Variants in SPINT2 observed in about 807,000 individuals in gnomAD.
SPINT2 encodes serine peptidase inhibitor, Kunitz type 2.
Under a neutral mutation model 30.1 loss-of-function variants are expected in SPINT2, and 18 were observed. That is an observed-to-expected ratio of 0.60 (90% CI 0.41 to 0.89). The LOEUF (loss-of-function observed/expected upper bound fraction) is 0.89, where lower values mean the gene tolerates loss of function less well. SPINT2 is among the 40% of genes least tolerant of loss of function. The pLI is 0.00. For synonymous variants in SPINT2, 139 were observed against 137.9 expected, an observed-to-expected ratio of 1.01 and a Z score of -0.05; for missense variants, 276 against 334.3, an observed-to-expected ratio of 0.83 and a Z score of 1.36.
intron 2 of SPINT2, among the ~76,000 whole-genome samples, chr19:38,284,106 G>A (rs1421805748): frequency 1.3e-5 from 2 of 151,976 alleles, no homozygotes; most frequent in African/African-American, 4.8e-5. Flanking sequence ...CTCCCAAAGT[G>A]CTGGGATTAC....
intron 1 of SPINT2, among the ~76,000 whole-genome samples, chr19:38,267,710 A>G (rs1007191233): frequency 1.3e-5 from 2 of 152,072 alleles, no homozygotes; most frequent in African/African-American, 2.4e-5. Context: ...TCAGAGGACC[A>G]TCTACCTGGA....
intron 2 of SPINT2, among the ~76,000 whole-genome samples, chr19:38,284,480 A>G (rs1968618951): frequency 6.6e-6 from 1 of 152,182 alleles, no homozygotes; most frequent in African/African-American, 2.4e-5. Context: ...AATCTGGGTG[A>G]CGTTTTAAAA....
chr19:38,273,157 G>T (rs1968476510), intron 1 of SPINT2, among the ~76,000 whole-genome samples: 1 of 152,116 alleles, frequency 6.6e-6, no homozygotes, highest in African/African-American at 2.4e-5. Context: ...ATAAATACCT[G>T]AGGTTTTTTT....
intron 1 of SPINT2, among the ~76,000 whole-genome samples, chr19:38,269,602 C>G (rs376239028): frequency 1.6e-5 from 2 of 128,678 alleles, no homozygotes; most frequent in Non-Finnish European, 3.4e-5. Context: ...GATGGGATTT[C>G]TTTTCTTTTT....
At chr19:38,269,107 G>T (rs994818620) in intron 1 of SPINT2, among the ~76,000 whole-genome samples, 1 of 150,952 alleles carries the variant, frequency 6.6e-6, no homozygotes, top group East Asian at 1.9e-4. Flanking sequence ...GTTTTTTTGG[G>T]TTTTTTTTTG....
intron 1 of SPINT2, among the ~76,000 whole-genome samples, chr19:38,276,500 C>T (rs529304025): frequency 1.3e-4 from 20 of 151,850 alleles, no homozygotes; most frequent in Admixed American, 1.2e-3. Flanking sequence ...AAATCAGCCG[C>T]GTGTGGTGGC....
At chr19:38,283,580 G>T in intron 1 of SPINT2, 47 bp from the exon 2 acceptor site, 1 of 1,612,462 alleles carries the variant, frequency 6.2e-7, no homozygotes, top group Non-Finnish European at 8.5e-7. Flanking sequence ...GTCCTTTGTT[G>T]CCAGGATTGC....
intron 1 of SPINT2, among the ~76,000 whole-genome samples, chr19:38,266,207 A>C (rs1968376230): frequency 6.6e-6 from 1 of 152,120 alleles, no homozygotes; most frequent in Non-Finnish European, 1.5e-5. Context: ...GCAGGCGTGA[A>C]GGAGGGGAGG....
chr19:38,267,387 G>A (rs1968391899), intron 1 of SPINT2, among the ~76,000 whole-genome samples: 1 of 152,206 alleles, frequency 6.6e-6, no homozygotes, highest in African/African-American at 2.4e-5. Flanking sequence ...TGCTGGATGA[G>A]TGTGGTGGTG....
chr19:38,266,276 T>G (rs1056075691), intron 1 of SPINT2, among the ~76,000 whole-genome samples: 1 of 151,910 alleles, frequency 6.6e-6, no homozygotes, highest in Non-Finnish European at 1.5e-5. Context: ...TAGGGCTTTA[T>G]AGACAGGTGC....
intron 2 of SPINT2, among the ~76,000 whole-genome samples, chr19:38,286,935 G>A (rs1968649139): frequency 6.6e-6 from 1 of 152,146 alleles, no homozygotes; most frequent in Non-Finnish European, 1.5e-5. Flanking sequence ...CCCAGTGTAA[G>A]CACTGGTATT....
At chr19:38,272,050 A>G (rs1968463664) in intron 1 of SPINT2, among the ~76,000 whole-genome samples, 1 of 152,050 alleles carries the variant, frequency 6.6e-6, no homozygotes, top group African/African-American at 2.4e-5. Flanking sequence ...ACATGGTGAA[A>G]CAAAAAATAC....
chr19:38,276,132 C>T (rs1227213285), intron 1 of SPINT2, among the ~76,000 whole-genome samples: 1 of 152,128 alleles, frequency 6.6e-6, no homozygotes, highest in Non-Finnish European at 1.5e-5. Flanking sequence ...TGCTTGTATT[C>T]AGTATTTGGC....
intron 3 of SPINT2, among the ~76,000 whole-genome samples, chr19:38,288,152 G>C (rs922190411): frequency 6.6e-6 from 1 of 152,170 alleles, no homozygotes; most frequent in Admixed American, 6.5e-5. Flanking sequence ...CGGGGATCCT[G>C]CAGCACTTCC....
intron 3 of SPINT2, 127 bp downstream of exon 3, chr19:38,288,062 CG>C: frequency 1.8e-6 from 2 of 1,134,756 alleles, no homozygotes; most frequent in Non-Finnish European, 1.3e-6. Flanking sequence ...ATTGGCAAAC[CG>C]GGGGCTCTGC....
At chr19:38,283,832 C>CATTTTTT in intron 2 of SPINT2, 35 bp downstream of exon 2, 1 of 1,067,744 alleles carries the variant, frequency 9.4e-7, no homozygotes. Flanking sequence ...TTGTTTTTTT[C>CATTTTTT]CTTTTTTTTT....
chr19:38,285,233 G>A (rs1319260480), intron 2 of SPINT2, among the ~76,000 whole-genome samples: 1 of 152,234 alleles, frequency 6.6e-6, no homozygotes, highest in Non-Finnish European at 1.5e-5. Context: ...GCTCTTAGCT[G>A]AGTGAGAAGG....
intron 1 of SPINT2, among the ~76,000 whole-genome samples, chr19:38,282,603 T>G (rs1404453468): frequency 1.3e-5 from 2 of 152,258 alleles, no homozygotes; most frequent in African/African-American, 2.4e-5. Flanking sequence ...GCTGGAATTT[T>G]ATAACATTGG....
In SPINT2 at chr19:38,286,494, CAT is replaced by C. The variant is rs574028773; in HGVS notation, c.278-1381_278-1380del. Among the ~76,000 whole-genome samples, 8 of 152,242 alleles carry C rather than the reference CAT, an allele frequency of 5.3e-5. No individual in the cohort carries two copies. The South Asian group carries it at 1.7e-3, about 32-fold the overall frequency. ...GAGATAAGCGCTGTGTAAAATGTAT[CAT>C]GTGGGCCGGGTGCGGCGGCTCACGC... On this transcript the variant is annotated intron_variant, in intron 2 of 6. Transcript: ENST00000301244.
Sources: allele counts gnomAD v4.1 joint callset (sites outside exome capture counted in the v4.1 genomes callset), GRCh38; gene constraint gnomAD v4.1.1; transcripts MANE v1.5; gene names NCBI Gene and HGNC (gene_info 2026-07-23, HGNC 2026-07-21).